The following MBD5 variants were observed in gnomAD, a reference collection of about 807,000 sequenced individuals.
MBD5 encodes methyl-CpG-binding domain protein 5.
Under a neutral mutation model 117.3 loss-of-function variants are expected in MBD5, and 13 were observed. The ratio of observed to expected loss-of-function variants is 0.11; its 90% CI spans 0.07 to 0.18. MBD5 has a LOEUF of 0.18. Ranked by LOEUF, MBD5 falls within the 10% of genes least tolerant of loss-of-function variation. The pLI, the probability that MBD5 is intolerant of heterozygous loss-of-function variation, is 1.00. For synonymous variants in MBD5, 727 were observed against 766.4 expected, an observed-to-expected ratio of 0.95 and a Z score of 0.85; for missense variants, 1,879 against 2,093.8, an observed-to-expected ratio of 0.90 and a Z score of 2.00.
At chr2:148,158,020 A>C (rs1180387167) in intron 1 of MBD5, among the ~76,000 whole-genome samples, 1 of 152,232 alleles carries the variant, frequency 6.6e-6, no homozygotes, top group East Asian at 1.9e-4. Flanking sequence ...GGTTAATTTT[A>C]CATTATATGA....
intron 2 of MBD5, among the ~76,000 whole-genome samples, chr2:148,205,158 C>G (rs1699246851): frequency 6.6e-6 from 1 of 151,990 alleles, no homozygotes; most frequent in Non-Finnish European, 1.5e-5. Flanking sequence ...CTCACTGTAA[C>G]CTCCACTTCC....
At position 148,483,846 on chromosome 2, in the gene MBD5, G is replaced by A; in HGVS notation, c.3255G>A (p.Leu1085=). 1 of 1,550,520 alleles carries A rather than the reference G, an allele frequency of 6.4e-7. No homozygotes were observed. Residue 1085 remains leucine, a synonymous_variant, in exon 9 of 14, where the codon TTG becomes TTA. Coordinates refer to ENST00000642680, the MANE Select transcript of MBD5 (RefSeq NM_001378120.1). ...AVNGASGLMT[L]NPQLLGGVLN... is the part of the protein sequence containing the mutation. ...ATGGGGCCTCAGGATTAATGACCTTGAATCCCCAGCTGTTGGGAGGTGTCC... is the reference window on the plus strand; with the variant it reads ...ATGGGGCCTCAGGATTAATGACCTTAAATCCCCAGCTGTTGGGAGGTGTCC...
At chr2:148,390,469 GTATA>G (rs977380763) in intron 4 of MBD5, among the ~76,000 whole-genome samples, 1 of 150,350 alleles carries the variant, frequency 6.7e-6, no homozygotes. Context: ...ATATGTGTGT[GTATA>G]TATATAAGTA....
chr2:148,241,806 T>G (rs1465876429), intron 3 of MBD5, among the ~76,000 whole-genome samples: 2 of 152,178 alleles, frequency 1.3e-5, no homozygotes, highest in Non-Finnish European at 2.9e-5. Flanking sequence ...ACTCTTTCTA[T>G]TTCTGCCTTC....
chr2:148,346,950 G>A (rs925838421), intron 4 of MBD5: 4 of 151,836 alleles, frequency 2.6e-5, no homozygotes, highest in Non-Finnish European at 4.4e-5. Context: ...GAACCCCAAT[G>A]TACCTCAAAT....
At chr2:148,328,707 T>C (rs7421644) in intron 3 of MBD5, among the ~76,000 whole-genome samples, 41,329 of 151,234 alleles carry the variant, frequency 0.27, 5,742 homozygotes, top group African/African-American at 0.31. Flanking sequence ...GGCTCGCACA[T>C]GGTGCGTGCA....
chr2:148,464,539 CTT>C (rs1442923648), intron 7 of MBD5, among the ~76,000 whole-genome samples: 1 of 152,038 alleles, frequency 6.6e-6, no homozygotes, highest in Non-Finnish European at 1.5e-5. Context: ...AGGGCACACT[CTT>C]ACATAAACAC....
At chr2:148,293,560 T>G (rs1166816485) in intron 3 of MBD5, among the ~76,000 whole-genome samples, 1 of 152,212 alleles carries the variant, frequency 6.6e-6, no homozygotes, top group East Asian at 1.9e-4. Context: ...CATATCATCT[T>G]AAATCGAGAT....
At chr2:148,272,103 A>G (rs781545932) in intron 3 of MBD5, among the ~76,000 whole-genome samples, 6 of 152,178 alleles carry the variant, frequency 3.9e-5, no homozygotes, top group Non-Finnish European at 7.3e-5. Context: ...CCATGTTTTC[A>G]GAAGTAACAG....
At chr2:148,122,657 G>T (rs1696796868) in intron 1 of MBD5, among the ~76,000 whole-genome samples, 1 of 152,096 alleles carries the variant, frequency 6.6e-6, no homozygotes, top group Non-Finnish European at 1.5e-5. Flanking sequence ...TTTCCTCGAG[G>T]TGGCTTGACG....
At chr2:148,171,640 AAGAAAAAGCATCC>A (rs1234935464) in intron 1 of MBD5, among the ~76,000 whole-genome samples, 1 of 152,230 alleles carries the variant, frequency 6.6e-6, no homozygotes, top group Non-Finnish European at 1.5e-5. Flanking sequence ...AAGAGAAAGA[AAGAAAAAGCATCC>A]AGATAGGAAA....
At chr2:148,336,859 C>T (rs1018188094) in intron 3 of MBD5, among the ~76,000 whole-genome samples, 3 of 152,230 alleles carry the variant, frequency 2.0e-5, no homozygotes, top group South Asian at 2.1e-4. Context: ...ATGTCAGTTC[C>T]GCTTGCTTGG....
Position 148,427,729 on chromosome 2 carries a change from T to G in MBD5, c.-556-30474T>G, listed in dbSNP as rs951994971. Among the ~76,000 whole-genome samples, 3 of 152,100 alleles carry G rather than the reference T, an allele frequency of 2.0e-5. No homozygotes were observed. The East Asian group carries it at 5.8e-4, about 29-fold the overall frequency. ...GGGTGCAGCACACCAACATGGCACA[T>G]GTATACATATGTAACAAACCTGCAC... On this transcript the variant is annotated intron_variant, in intron 4 of 13. Coordinates refer to ENST00000642680, the MANE Select transcript of MBD5 (RefSeq NM_001378120.1).
chr2:148,042,396 C>G (rs1694385837), intron 1 of MBD5, among the ~76,000 whole-genome samples: 1 of 151,188 alleles, frequency 6.6e-6, no homozygotes, highest in South Asian at 2.1e-4. Context: ...TTATGACTTA[C>G]AGAAAAAAAT....
At chr2:148,324,836 T>C (rs1702398025) in intron 3 of MBD5, among the ~76,000 whole-genome samples, 1 of 152,138 alleles carries the variant, frequency 6.6e-6, no homozygotes, top group Non-Finnish European at 1.5e-5. Flanking sequence ...TTCCTTCTCC[T>C]GCCTAATTGC....
chr2:148,144,962 T>C (rs1016421550), intron 1 of MBD5, among the ~76,000 whole-genome samples: 3 of 152,206 alleles, frequency 2.0e-5, no homozygotes, highest in Non-Finnish European at 4.4e-5. Flanking sequence ...AACTTTAAAG[T>C]AGTTTTTTCC....
intron 11 of MBD5, among the ~76,000 whole-genome samples, chr2:148,497,241 A>G (rs1296618415): frequency 2.6e-5 from 4 of 152,062 alleles, no homozygotes; most frequent in Non-Finnish European, 5.9e-5. Context: ...CATTCAATAA[A>G]TATTTATTAG....
intron 1 of MBD5, among the ~76,000 whole-genome samples, chr2:148,135,649 A>G (rs2105497386): frequency 6.6e-6 from 1 of 152,254 alleles, no homozygotes; most frequent in South Asian, 2.1e-4. Context: ...TTGCCTAACA[A>G]TGGCTCTGTA....
intron 2 of MBD5, among the ~76,000 whole-genome samples, chr2:148,197,965 C>G (rs1206852336): frequency 1.3e-5 from 2 of 151,860 alleles, no homozygotes; most frequent in Admixed American, 6.6e-5. Flanking sequence ...CAGGGACCCA[C>G]CACCATGCCC....
Sources: gnomAD v4.1 joint callset for allele counts (sites outside exome capture counted in the v4.1 genomes callset) on GRCh38, gnomAD v4.1.1 for gene constraint, MANE v1.5 for transcripts, NCBI Gene and HGNC (gene_info 2026-07-23, HGNC 2026-07-21) for gene names.